CHIC1: variants seen among roughly 807,000 people sequenced by gnomAD.
The protein encoded by CHIC1 is cysteine rich hydrophobic domain 1.
Under a neutral mutation model 18.5 loss-of-function variants are expected in CHIC1, and 7 were observed. The ratio of observed to expected loss-of-function variants is 0.38; its 90% CI spans 0.22 to 0.71. The LOEUF is 0.71. Among genes scored for constraint, CHIC1 ranks in the 30% least tolerant of loss-of-function variants. The pLI is 0.49. For synonymous variants in CHIC1, 77 were observed against 73.5 expected (o/e 1.05, Z -0.25); for missense variants, 159 against 176.9 (o/e 0.90, Z 0.57).
In CHIC1 at chrX:73,685,404, G is replaced by A. The variant is rs764037489; in HGVS notation, c.*4399G>A. On this transcript the variant is annotated 3_prime_UTR_variant, in exon 6 of 6. Coordinates refer to ENST00000373502, the MANE Select transcript of CHIC1 (RefSeq NM_001039840.4). ...CTGTAACAACAATGGAAATATTGGA[G>A]GACCCACTTTGGCATTTATGTAAAG... 2 of 111,604 alleles carry A rather than the reference G, an allele frequency of 1.8e-5. No homozygotes were observed. The highest frequency in any genetic ancestry group is 7.5e-4 in the South Asian group (2 of 2,678). 9.2% of individuals were successfully genotyped at this position (111,604 alleles called of 1,213,427 possible). A position where few individuals can be genotyped will look rare whatever the true frequency, so the allele number is the denominator to read the frequency against.
intron 3 of CHIC1, among the ~76,000 whole-genome samples, chrX:73,655,630 ATAGTGT>A (rs1160033859): frequency 5.0e-5 from 2 of 40,221 alleles, no homozygotes; most frequent in African/African-American, 1.8e-4. Context: ...ATATATATAT[ATAGTGT>A]GTGTGTGTGT....
rs574246647 is a variant in CHIC1 at position 73,640,527 on chromosome X, A to G, written c.508-38799A>G. On this transcript the variant is annotated intron_variant, in intron 3 of 5. Coordinates refer to ENST00000373502, the MANE Select transcript of CHIC1 (RefSeq NM_001039840.4). ...TGTCTCTGCCAACTGATTCAGTTTCAGAACTTGTTATTAGTTAGTTCAGGG... is the reference window on the plus strand; with the variant it reads ...TGTCTCTGCCAACTGATTCAGTTTCGGAACTTGTTATTAGTTAGTTCAGGG... Among the ~76,000 whole-genome samples, 3 of 111,409 alleles carry G rather than the reference A, an allele frequency of 2.7e-5. No homozygotes were observed. The South Asian group carries it at 1.1e-3, about 42-fold the overall frequency.
chrX:73,658,248 G>GTTTGTT (rs2057960638), intron 3 of CHIC1, among the ~76,000 whole-genome samples: 1 of 16,710 alleles, frequency 6.0e-5, no homozygotes, highest in South Asian at 0.015. Context: ...CTGGTCCTAG[G>GTTTGTT]TTTTTTTTTT....
chrX:73,671,761 T>C (rs2058031763), intron 3 of CHIC1, among the ~76,000 whole-genome samples: 1 of 107,586 alleles, frequency 9.3e-6, no homozygotes. Context: ...GTGCTTGTTC[T>C]TTTTTTTTTA....
At chrX:73,567,869 C>A (rs1399337893) in intron 1 of CHIC1, among the ~76,000 whole-genome samples, 1 of 109,542 alleles carries the variant, frequency 9.1e-6, no homozygotes, top group Non-Finnish European at 1.9e-5. Flanking sequence ...ATATTCACCT[C>A]CCGTTTCCCT....
chrX:73,671,628 A>G, intron 3 of CHIC1, among the ~76,000 whole-genome samples: 1 of 110,921 alleles, frequency 9.0e-6, no homozygotes, highest in African/African-American at 3.3e-5. Context: ...TGTTCTTTTT[A>G]ATGATATCTT....
intron 3 of CHIC1, among the ~76,000 whole-genome samples, chrX:73,658,353 T>C (rs779090008): frequency 3.4e-4 from 34 of 99,826 alleles, no homozygotes; most frequent in Admixed American, 8.0e-4. Flanking sequence ...ACTTTCTTCC[T>C]GGTTCAGTCC....
intron 3 of CHIC1, among the ~76,000 whole-genome samples, chrX:73,590,922 T>C (rs1039891416): frequency 1.4e-4 from 16 of 111,631 alleles, no homozygotes; most frequent in Non-Finnish European, 2.8e-4. Context: ...AACATTCAAG[T>C]ACAGGTTTTT....
chrX:73,650,604 C>T (rs1423519144), intron 3 of CHIC1, among the ~76,000 whole-genome samples: 1 of 107,969 alleles, frequency 9.3e-6, no homozygotes, highest in Non-Finnish European at 1.9e-5. Context: ...CTCCTCGACA[C>T]ATACACCCTC....
At chrX:73,570,892 T>A (rs142681583) in intron 1 of CHIC1, among the ~76,000 whole-genome samples, 1,629 of 110,696 alleles carry the variant, frequency 0.015, 14 homozygotes, top group Non-Finnish European at 0.022. Flanking sequence ...GCAAACAAAG[T>A]CAAGAGAAAA....
chrX:73,669,821 T>C (rs764917687), intron 3 of CHIC1, among the ~76,000 whole-genome samples: 2 of 111,801 alleles, frequency 1.8e-5, no homozygotes, highest in Non-Finnish European at 3.8e-5. Flanking sequence ...CCAGTGGTTA[T>C]TATCTTGTGA....
intron 3 of CHIC1, among the ~76,000 whole-genome samples, chrX:73,667,605 A>G (rs1329967822): frequency 9.0e-6 from 1 of 111,541 alleles, no homozygotes; most frequent in African/African-American, 3.3e-5. Context: ...TCTTTTGCTT[A>G]TGAAGCTTAG....
At chrX:73,631,292 C>T (rs1351099919) in intron 3 of CHIC1, among the ~76,000 whole-genome samples, 1 of 110,651 alleles carries the variant, frequency 9.0e-6, no homozygotes, top group African/African-American at 3.3e-5. Context: ...TAACTTTGGG[C>T]TTGCTTTATT....
At position 73,642,387 on chromosome X, in the gene CHIC1, T is replaced by G. The variant is rs187144983; in HGVS notation, c.508-36939T>G. 4.1e-4 allele frequency among the ~76,000 whole-genome samples: 46 copies of G among 111,720 alleles called. No individual in the cohort carries two copies. The East Asian group carries it at 0.012, about 29-fold the overall frequency. ...CGTTGTTTGTTTTTTTCTTGTAAAT[T>G]TGTTAGAGTTCATTGTAGATTCTGG... On this transcript the variant is annotated intron_variant, in intron 3 of 5. Coordinates refer to ENST00000373502, the MANE Select transcript of CHIC1 (RefSeq NM_001039840.4).
At chrX:73,651,312 C>T (rs1012725149) in intron 3 of CHIC1, among the ~76,000 whole-genome samples, 5 of 110,798 alleles carry the variant, frequency 4.5e-5, no homozygotes, top group Non-Finnish European at 7.6e-5. Flanking sequence ...CTTTGAAAAC[C>T]GGCACAAGAC....
intron 3 of CHIC1, among the ~76,000 whole-genome samples, chrX:73,601,950 T>C (rs1169176968): frequency 9.6e-6 from 1 of 104,209 alleles, no homozygotes; most frequent in Non-Finnish European, 1.9e-5. Flanking sequence ...GCAAATAAAC[T>C]AGAAAATCTC....
chrX:73,607,541 A>G (rs1231758284), intron 3 of CHIC1, among the ~76,000 whole-genome samples: 1 of 107,537 alleles, frequency 9.3e-6, no homozygotes, highest in African/African-American at 3.6e-5. Flanking sequence ...AAAAAAAAAC[A>G]CTTCTGCAAC....
At chrX:73,655,663 A>G (rs938122797) in intron 3 of CHIC1, among the ~76,000 whole-genome samples, 9 of 101,459 alleles carry the variant, frequency 8.9e-5, no homozygotes, top group African/African-American at 3.2e-4. Context: ...ATATATATAT[A>G]TATATATACA....
chrX:73,585,391 A>G (rs1276349152), intron 3 of CHIC1, among the ~76,000 whole-genome samples: 1 of 110,978 alleles, frequency 9.0e-6, no homozygotes, highest in Non-Finnish European at 1.9e-5. Flanking sequence ...AATATTGCCA[A>G]CTCTATGACT....
Sources: gnomAD v4.1 joint callset for allele counts (sites outside exome capture counted in the v4.1 genomes callset) on GRCh38, gnomAD v4.1.1 for gene constraint, MANE v1.5 for transcripts, NCBI Gene and HGNC (gene_info 2026-07-23, HGNC 2026-07-21) for gene names.